Variants in BBS9 observed in about 807,000 individuals in gnomAD.
BBS9 encodes protein PTHB1.
Under a neutral mutation model 117.7 loss-of-function variants are expected in BBS9, and 89 were observed. The ratio of observed to expected loss-of-function variants is 0.76; its 90% CI spans 0.64 to 0.90. BBS9 has a LOEUF of 0.90. BBS9 is among the 40% of genes least tolerant of loss of function. The pLI, the probability that BBS9 is intolerant of heterozygous loss-of-function variation, is 0.00. For synonymous variants in BBS9, 379 were observed against 370.9 expected, an observed-to-expected ratio of 1.02 and a Z score of -0.25; for missense variants, 982 against 1,042.2, an observed-to-expected ratio of 0.94 and a Z score of 0.80.
intron 21 of BBS9, among the ~76,000 whole-genome samples, chr7:33,596,257 AACAC>A (rs777940429): frequency 0.038 from 4,514 of 118,786 alleles, 83 homozygotes; most frequent in Middle Eastern, 0.048. Flanking sequence ...ACAGAACAGA[AACAC>A]ACACACACAC....
intron 19 of BBS9, 45 bp from the exon 20 acceptor site, chr7:33,505,418 A>G: frequency 1.3e-6 from 2 of 1,594,340 alleles, no homozygotes; most frequent in Non-Finnish European, 1.7e-6. Flanking sequence ...TTGAGGGCTC[A>G]ATAATTGTGA....
intron 19 of BBS9, among the ~76,000 whole-genome samples, chr7:33,491,930 T>A (rs897521775): frequency 6.6e-6 from 1 of 152,122 alleles, no homozygotes; most frequent in African/African-American, 2.4e-5. Flanking sequence ...CTGGGTGTGG[T>A]GGCTCATGCC....
At chr7:33,387,918 C>T in intron 18 of BBS9, 74 bp from the exon 19 acceptor site, 2 of 1,479,964 alleles carry the variant, frequency 1.4e-6, no homozygotes, top group South Asian at 2.3e-5. Context: ...CTTTTATTAT[C>T]ATTGTGTGTA....
In BBS9 at chr7:33,524,786, T is replaced by G. The variant is rs373035369; in HGVS notation, c.2299-9168T>G. On this transcript the variant is annotated intron_variant, in intron 20 of 22. Transcript: ENST00000242067. ...TGATTTTAGTTATTTCTTGCCTTCTTCTAGCTTTTGAATGTGTTTGCTCTT... is the reference window on the plus strand; with the variant it reads ...TGATTTTAGTTATTTCTTGCCTTCTGCTAGCTTTTGAATGTGTTTGCTCTT... Among the ~76,000 whole-genome samples, 20 of 152,220 alleles carry G rather than the reference T, an allele frequency of 1.3e-4. No homozygotes were observed. In the South Asian group the frequency reaches 1.7e-3, roughly 13 times the overall value.
intron 19 of BBS9, among the ~76,000 whole-genome samples, chr7:33,412,151 T>A (rs879777690): frequency 2.0e-5 from 3 of 152,170 alleles, no homozygotes; most frequent in Admixed American, 2.0e-4. Context: ...ATAGAACCCA[T>A]TTTGTTAGAA....
At chr7:33,212,820 C>A (rs918444373) in intron 5 of BBS9, among the ~76,000 whole-genome samples, 5 of 152,152 alleles carry the variant, frequency 3.3e-5, no homozygotes, top group Non-Finnish European at 7.3e-5. Context: ...GAATACGAGG[C>A]AGAGACTCAT....
chr7:33,272,165 T>C (rs1799910526), intron 7 of BBS9, among the ~76,000 whole-genome samples: 1 of 152,180 alleles, frequency 6.6e-6, no homozygotes, highest in Non-Finnish European at 1.5e-5. Flanking sequence ...TCACATGTTC[T>C]CACTTAAATA....
At chr7:33,374,166 A>G (rs914449042) in intron 17 of BBS9, among the ~76,000 whole-genome samples, 23 of 152,194 alleles carry the variant, frequency 1.5e-4, no homozygotes, top group Admixed American at 1.4e-3. Context: ...GAAACTCGAT[A>G]GAAATTTTGT....
At chr7:33,376,406 A>T (rs1326159853) in intron 17 of BBS9, among the ~76,000 whole-genome samples, 1 of 152,142 alleles carries the variant, frequency 6.6e-6, no homozygotes, top group Non-Finnish European at 1.5e-5. Flanking sequence ...GTATTCTATG[A>T]TGTATCCCTA....
intron 21 of BBS9, among the ~76,000 whole-genome samples, chr7:33,563,617 T>C (rs913339217): frequency 6.6e-6 from 1 of 152,344 alleles, no homozygotes; most frequent in East Asian, 1.9e-4. Flanking sequence ...GTGTGTATTT[T>C]TGGCCTCTTT....
chr7:33,568,626 GGT>G (rs1177423384), intron 21 of BBS9, among the ~76,000 whole-genome samples: 1 of 152,044 alleles, frequency 6.6e-6, no homozygotes, highest in Non-Finnish European at 1.5e-5. Flanking sequence ...TTTCCATAGT[GGT>G]TTTGCCAATG....
intron 20 of BBS9, among the ~76,000 whole-genome samples, chr7:33,512,215 AG>A (rs1287219433): frequency 1.3e-5 from 2 of 152,196 alleles, no homozygotes; most frequent in African/African-American, 4.8e-5. Flanking sequence ...GGTATATCTT[AG>A]AGGCTTTCTG....
intron 11 of BBS9, 107 bp from the exon 12 acceptor site, chr7:33,344,474 G>A: frequency 1.9e-6 from 2 of 1,044,718 alleles, no homozygotes; most frequent in South Asian, 1.3e-5. Context: ...ATCTTTTATA[G>A]TTTCCTATTT....
chr7:33,617,219 A>C (rs1585485027), intron 21 of BBS9, among the ~76,000 whole-genome samples: 2 of 152,262 alleles, frequency 1.3e-5, no homozygotes, highest in East Asian at 3.9e-4. Context: ...ACAAGACCCA[A>C]CTATATCTTG....
chr7:33,487,580 T>C (rs1297860202), intron 19 of BBS9, among the ~76,000 whole-genome samples: 2 of 152,212 alleles, frequency 1.3e-5, no homozygotes, highest in Non-Finnish European at 2.9e-5. Context: ...TTCAAACTAT[T>C]GAGTCAAAGG....
At chr7:33,621,221 C>G (rs1865388272) in intron 21 of BBS9, among the ~76,000 whole-genome samples, 1 of 152,084 alleles carries the variant, frequency 6.6e-6, no homozygotes, top group Non-Finnish European at 1.5e-5. Context: ...AACTTAAAAG[C>G]TCTGCACAGC....
intron 1 of BBS9, among the ~76,000 whole-genome samples, chr7:33,130,391 T>C (rs1452233154): frequency 6.6e-6 from 1 of 152,240 alleles, no homozygotes; most frequent in Non-Finnish European, 1.5e-5. Flanking sequence ...CCAATCCTTC[T>C]AGTAATAGGA....
intron 19 of BBS9, among the ~76,000 whole-genome samples, chr7:33,468,510 A>T (rs940308314): frequency 6.6e-6 from 1 of 152,214 alleles, no homozygotes; most frequent in African/African-American, 2.4e-5. Context: ...TCAAATATTT[A>T]TCATTTCTTT....
chr7:33,454,847 TG>T (rs1838407207), intron 19 of BBS9, among the ~76,000 whole-genome samples: 1 of 152,162 alleles, frequency 6.6e-6, no homozygotes, highest in South Asian at 2.1e-4. Context: ...TACATCCCCT[TG>T]GTTTTATAGA....
Sources: gnomAD v4.1 joint callset for allele counts (sites outside exome capture counted in the v4.1 genomes callset) on GRCh38, gnomAD v4.1.1 for gene constraint, MANE v1.5 for transcripts, NCBI Gene and HGNC (gene_info 2026-07-23, HGNC 2026-07-21) for gene names.